The following DGKB variants were observed in gnomAD, a reference collection of about 807,000 sequenced individuals.
DGKB encodes the protein 90 kDa diacylglycerol kinase.
DGKB carries 67 observed loss-of-function variants against 114.3 expected under a neutral mutation model. That is an observed-to-expected ratio of 0.59 (90% CI 0.48 to 0.72). The LOEUF is 0.72. Among genes scored for constraint, DGKB ranks in the 30% least tolerant of loss-of-function variants. The pLI is 0.00. For missense variants in DGKB, 907 were observed against 975.2 expected (o/e 0.93, Z 0.93); for synonymous variants, 398 against 323.1 (o/e 1.23, Z -2.49).
chr7:14,822,800 G>C (rs1845124762), intron 2 of DGKB, among the ~76,000 whole-genome samples: 1 of 152,112 alleles, frequency 6.6e-6, no homozygotes, highest in South Asian at 2.1e-4. Context: ...CAAAGTGTTA[G>C]TTTCTTCCAC....
chr7:14,200,152 T>C (rs1785617914), intron 23 of DGKB, among the ~76,000 whole-genome samples: 1 of 152,082 alleles, frequency 6.6e-6, no homozygotes, highest in Admixed American at 6.6e-5. Context: ...TAAAGTTGTT[T>C]AGTAACAATT....
intron 21 of DGKB, among the ~76,000 whole-genome samples, chr7:14,456,066 G>C (rs1359647498): frequency 1.3e-5 from 2 of 151,920 alleles, no homozygotes; most frequent in African/African-American, 4.8e-5. Flanking sequence ...TGCCACATGT[G>C]GAAAATTCAA....
chr7:14,735,308 G>C lies in DGKB; in HGVS notation c.322+733C>G, dbSNP rs936694350. On this transcript the variant is annotated intron_variant, in intron 5 of 25. Transcript: ENST00000402815. ...CCCCTCACCTCAGAATTTCATCCTA[G>C]CTCCAAGGAATCCTTTCCTCAGGGC... Among the ~76,000 whole-genome samples, 8 of 152,094 alleles carry C rather than the reference G, an allele frequency of 5.3e-5. No individual in the cohort carries two copies. The South Asian group carries it at 6.2e-4, about 12-fold the overall frequency.
At chr7:14,790,867 G>A (rs1840572325) in intron 2 of DGKB, among the ~76,000 whole-genome samples, 1 of 152,126 alleles carries the variant, frequency 6.6e-6, no homozygotes, top group African/African-American at 2.4e-5. Context: ...TTTGATTACA[G>A]TTACATTAAA....
chr7:14,249,265 T>G, intron 23 of DGKB, among the ~76,000 whole-genome samples: 1 of 152,186 alleles, frequency 6.6e-6, no homozygotes, highest in African/African-American at 2.4e-5. Context: ...GTGGAGTTTT[T>G]GCATCTATGT....
At chr7:14,337,091 T>C (rs1484107052) in intron 23 of DGKB, among the ~76,000 whole-genome samples, 2 of 152,178 alleles carry the variant, frequency 1.3e-5, no homozygotes. Context: ...AGCTTGGTTT[T>C]AGTATGGTCC....
intron 8 of DGKB, among the ~76,000 whole-genome samples, chr7:14,696,962 C>T (rs1008630196): frequency 6.6e-6 from 1 of 152,132 alleles, no homozygotes; most frequent in African/African-American, 2.4e-5. Context: ...ATATACACTT[C>T]TTGAATTTGC....
At chr7:14,368,648 G>A (rs1306081237) in intron 21 of DGKB, among the ~76,000 whole-genome samples, 1 of 151,730 alleles carries the variant, frequency 6.6e-6, no homozygotes, top group Admixed American at 6.6e-5. Context: ...AAGAAAAAGA[G>A]GTAACACAGA....
chr7:14,249,806 C>A (rs1341488404), intron 23 of DGKB, among the ~76,000 whole-genome samples: 1 of 151,866 alleles, frequency 6.6e-6, no homozygotes, highest in Non-Finnish European at 1.5e-5. Context: ...TTTTTAAAAT[C>A]ATTTTCTCAT....
In DGKB at chr7:14,698,080, C is replaced by A. The variant is rs1301446554; in HGVS notation, c.591+15G>T. On this transcript the variant is annotated intron_variant, in intron 8 of 25. Transcript: ENST00000402815. ...TCCAGAATTTAGCCAATAGTGAAAT[C>A]ATTCATATACCTACTGGATTAAGTT... 3 of 1,460,850 alleles carry A rather than the reference C, an allele frequency of 2.1e-6. No homozygotes were observed. The highest frequency in any genetic ancestry group is 2.5e-5 in the South Asian group (2 of 80,692). The allele number at this position is 1,460,850 out of a possible 1,614,324, so 90.5% of individuals were successfully genotyped here. A position where few individuals can be genotyped will look rare whatever the true frequency, so the allele number is the denominator to read the frequency against.
chr7:14,560,372 C>T (rs1796479071), intron 20 of DGKB, among the ~76,000 whole-genome samples: 1 of 152,156 alleles, frequency 6.6e-6, no homozygotes, highest in South Asian at 2.1e-4. Flanking sequence ...ATTTCCCCCT[C>T]TTCCTAGCCC....
rs78071895 is a variant in DGKB at position 14,820,781 on chromosome 7, T to G, written c.70+20413A>C. Among the ~76,000 whole-genome samples the G allele has an allele frequency of 6.6e-3, 1,012 of 152,286 alleles. 18 individuals are homozygous for G. The highest frequency in any genetic ancestry group is 0.023 in the African/African-American group (971 of 41,570). On this transcript the variant is annotated intron_variant, in intron 2 of 25. Coordinates refer to ENST00000402815, the MANE Select transcript of DGKB (RefSeq NM_001350709.2). ...TTAAGGCAAGAAACTCTGACTATGT[T>G]AACCCAAAATTAACATAGTGTGTTT...
chr7:14,843,870 AC>A (rs112137601), intron 1 of DGKB, among the ~76,000 whole-genome samples: 134,489 of 151,902 alleles, frequency 0.89, 59,944 homozygotes, highest in East Asian at 1. Flanking sequence ...GCTTACAGTT[AC>A]ACGAAAGGCA....
intron 2 of DGKB, among the ~76,000 whole-genome samples, chr7:14,759,145 G>A (rs767896780): frequency 1.3e-5 from 2 of 152,030 alleles, no homozygotes; most frequent in Non-Finnish European, 2.9e-5. Context: ...GGCTGGTGTC[G>A]AACCCCTGAC....
chr7:14,193,639 A>G (rs1251694788), intron 23 of DGKB, among the ~76,000 whole-genome samples: 3 of 152,216 alleles, frequency 2.0e-5, no homozygotes, highest in African/African-American at 4.8e-5. Flanking sequence ...AGGGTGGGCA[A>G]GGACTTTTTA....
intron 13 of DGKB, among the ~76,000 whole-genome samples, chr7:14,640,704 A>T (rs964221825): frequency 3.9e-5 from 6 of 152,192 alleles, no homozygotes; most frequent in Admixed American, 3.3e-4. Flanking sequence ...ACCAAAAGTT[A>T]TATGTGACTT....
chr7:14,280,559 C>G (rs1245219652), intron 23 of DGKB, among the ~76,000 whole-genome samples: 4 of 149,658 alleles, frequency 2.7e-5, no homozygotes, highest in East Asian at 2.0e-4. Flanking sequence ...ACATAATTGT[C>G]AGATTCACCA....
At chr7:14,917,018 G>A (rs556649219) in intron 1 of DGKB, among the ~76,000 whole-genome samples, 4 of 152,082 alleles carry the variant, frequency 2.6e-5, no homozygotes, top group African/African-American at 9.6e-5. Flanking sequence ...AAATTAAACA[G>A]CATTTTTAAA....
intron 21 of DGKB, among the ~76,000 whole-genome samples, chr7:14,404,599 G>T (rs1048429504): frequency 1.3e-5 from 2 of 151,914 alleles, no homozygotes; most frequent in African/African-American, 4.8e-5. Flanking sequence ...CCTAATTATG[G>T]AAATAGAGCT....
Sources: allele counts gnomAD v4.1 joint callset (sites outside exome capture counted in the v4.1 genomes callset), GRCh38; gene constraint gnomAD v4.1.1; transcripts MANE v1.5; gene names NCBI Gene and HGNC (gene_info 2026-07-23, HGNC 2026-07-21).